The following ASTN2 variants were observed in gnomAD, a reference collection of about 807,000 sequenced individuals.
ASTN2 encodes astrotactin-2.
Under a neutral mutation model 139.8 loss-of-function variants are expected in ASTN2, and 54 were observed. The ratio of observed to expected loss-of-function variants is 0.39; its 90% CI spans 0.31 to 0.48. The LOEUF (loss-of-function observed/expected upper bound fraction) is 0.48, where lower values mean the gene tolerates loss of function less well. Ranked by LOEUF, ASTN2 falls within the 20% of genes least tolerant of loss-of-function variation. The probability of loss-of-function intolerance (pLI) is 0.95; values close to 1 mark genes in which losing one functional copy is unlikely to be tolerated. For missense variants in ASTN2, 1,565 were observed against 1,725.1 expected (o/e 0.91, Z 1.64); for synonymous variants, 756 against 719.5 (o/e 1.05, Z -0.81).
chr9:117,125,842 T>G (rs1420733615), intron 4 of ASTN2, among the ~76,000 whole-genome samples: 3 of 151,540 alleles, frequency 2.0e-5, no homozygotes, highest in Admixed American at 1.3e-4. Flanking sequence ...GGGGGGGAAT[T>G]GGATTGCAAA....
chr9:116,796,287 A>T (rs553441624), intron 13 of ASTN2, among the ~76,000 whole-genome samples: 1 of 152,274 alleles, frequency 6.6e-6, no homozygotes, highest in East Asian at 1.9e-4. Context: ...TCTTAAATAC[A>T]AAGTCATTGT....
intron 2 of ASTN2, among the ~76,000 whole-genome samples, chr9:117,241,887 C>G (rs1833217934): frequency 6.6e-6 from 1 of 151,620 alleles, no homozygotes; most frequent in African/African-American, 2.4e-5. Flanking sequence ...CCAATTGTCA[C>G]CATCCAAAAA....
At chr9:116,556,608 A>G (rs1049744302) in intron 19 of ASTN2, among the ~76,000 whole-genome samples, 3 of 152,144 alleles carry the variant, frequency 2.0e-5, no homozygotes, top group African/African-American at 4.8e-5. Context: ...CTGCTGAAAT[A>G]GAGAGAGAGA....
At chr9:116,968,898 CAAAAAA>C (rs34706777) in intron 10 of ASTN2, among the ~76,000 whole-genome samples, 2 of 93,622 alleles carry the variant, frequency 2.1e-5, no homozygotes, top group Admixed American at 1.1e-4. Context: ...GACTCTGTCT[CAAAAAA>C]AAAAAAAAAA....
In ASTN2 at chr9:116,651,559, T is replaced by C. The variant is rs1199044897; in HGVS notation, c.3041A>G (p.Tyr1014Cys). The change falls in exon 17 of 23, where the codon TAT becomes TGT. Residue 1014 changes from tyrosine to cysteine, a missense_variant. Coordinates refer to ENST00000313400, the MANE Select transcript of ASTN2 (RefSeq NM_001365068.1). Reference sequence around the variant, plus strand: ...TGTGCCATTGTCTTGGATGAGGGTATAAAGTGGCACCACACGGTTGATTTC... The same window carrying C: ...TGTGCCATTGTCTTGGATGAGGGTACAAAGTGGCACCACACGGTTGATTTC... ...LLEINRVVPL[Y>C]TLIQDNGTKE... 1.2e-6 allele frequency: 2 copies of C among 1,614,020 alleles called. No homozygotes were observed. The highest frequency in any genetic ancestry group is 1.7e-6 in the Non-Finnish European group (2 of 1,180,030).
intron 2 of ASTN2, among the ~76,000 whole-genome samples, chr9:117,229,476 C>T (rs1402233131): frequency 6.6e-6 from 1 of 152,192 alleles, no homozygotes; most frequent in African/African-American, 2.4e-5. Flanking sequence ...AATACAGGAA[C>T]TCAAAGCTCC....
chr9:116,433,306 T>G (rs1847553399), intron 22 of ASTN2, among the ~76,000 whole-genome samples: 1 of 152,196 alleles, frequency 6.6e-6, no homozygotes, highest in Admixed American at 6.5e-5. Flanking sequence ...AGCATATTGT[T>G]AAACAGAAAC....
Position 116,424,953 on chromosome 9 carries a change from T to C in ASTN2, c.*898A>G, listed in dbSNP as rs1003884812. Among the ~76,000 whole-genome samples, 8 of 152,134 alleles carry C rather than the reference T, an allele frequency of 5.3e-5. No homozygotes were observed. Among genetic ancestry groups the C allele is most frequent in the Admixed American group, 4.6e-4 (7 of 15,270 alleles). On this transcript the variant is annotated 3_prime_UTR_variant, in exon 23 of 23. Coordinates refer to ENST00000313400, the MANE Select transcript of ASTN2 (RefSeq NM_001365068.1). Reference sequence around the variant, plus strand: ...TCTACTCATCCTTTGGGTTTAGGTATCACTTTTTCAAGGAAGCATTTCAGG... The same window carrying C: ...TCTACTCATCCTTTGGGTTTAGGTACCACTTTTTCAAGGAAGCATTTCAGG...
chr9:116,697,923 T>A, intron 16 of ASTN2: 1 of 1,614,216 alleles, frequency 6.2e-7, no homozygotes, highest in Non-Finnish European at 8.5e-7. Flanking sequence ...TGGTGTCCGC[T>A]GTCCCTTTTG....
intron 7 of ASTN2, among the ~76,000 whole-genome samples, chr9:116,979,728 G>A (rs1836456072): frequency 1.3e-5 from 2 of 152,146 alleles, no homozygotes; most frequent in South Asian, 2.1e-4. Flanking sequence ...GGAGCAGGAA[G>A]TCAGGCTGGG....
intron 13 of ASTN2, among the ~76,000 whole-genome samples, chr9:116,778,036 G>A (rs552226024): frequency 1.9e-4 from 29 of 151,948 alleles, no homozygotes; most frequent in Middle Eastern, 3.4e-3. Flanking sequence ...TAGTAGAGAC[G>A]GGGTTTCACC....
At chr9:117,085,436 G>A (rs1373259746) in intron 5 of ASTN2, among the ~76,000 whole-genome samples, 2 of 152,136 alleles carry the variant, frequency 1.3e-5, no homozygotes, top group Non-Finnish European at 2.9e-5. Context: ...CTCCCAATGT[G>A]GCATCACTCA....
At chr9:117,372,493 G>T (rs1285166640) in intron 1 of ASTN2, among the ~76,000 whole-genome samples, 1 of 152,114 alleles carries the variant, frequency 6.6e-6, no homozygotes, top group Non-Finnish European at 1.5e-5. Context: ...TGCTAATGCT[G>T]CTGCCTATTA....
intron 7 of ASTN2, among the ~76,000 whole-genome samples, chr9:117,003,018 G>GA (rs143869779): frequency 0.064 from 9,703 of 152,196 alleles, 451 homozygotes; most frequent in Non-Finnish European, 0.087. Flanking sequence ...CCATTAAAAG[G>GA]AAAAAGACAT....
intron 17 of ASTN2, among the ~76,000 whole-genome samples, chr9:116,625,455 C>A (rs1856399739): frequency 6.6e-6 from 1 of 152,110 alleles, no homozygotes; most frequent in Admixed American, 6.5e-5. Flanking sequence ...AAACCCTCCC[C>A]ACTCTGGCCC....
chr9:117,169,376 GAAAAGAA>G (rs982761726), intron 3 of ASTN2, among the ~76,000 whole-genome samples: 7 of 152,032 alleles, frequency 4.6e-5, no homozygotes, highest in South Asian at 2.1e-4. Flanking sequence ...GTGTGAATCC[GAAAAGAA>G]AAAAGAAAGG....
rs370825811 is a variant in ASTN2, at chr9:116,933,963, G to GTGCGAAGT, written c.1889+41237_1889+41244dup. On this transcript the variant is annotated intron_variant, in intron 10 of 22. Transcript: ENST00000313400. ...TGGTGGGGCCCTGGAGACCTCAGTT[G>GTGCGAAGT]TGCGAAGTGTTAGTCCTTTTTTTTT... Among the ~76,000 whole-genome samples, 177 of 85,522 alleles carry GTGCGAAGT rather than the reference G, an allele frequency of 2.1e-3. 2 individuals carry two copies. The highest frequency in any genetic ancestry group is 6.8e-3 in the African/African-American group (163 of 23,928). 56.1% of individuals were successfully genotyped at this position (85,522 alleles called of 152,430 possible).
intron 5 of ASTN2, among the ~76,000 whole-genome samples, chr9:117,042,932 G>T (rs958460502): frequency 6.6e-6 from 1 of 152,020 alleles, no homozygotes; most frequent in East Asian, 1.9e-4. Context: ...GTGTGGTGGC[G>T]CAATCTCAGC....
In ASTN2 at chr9:117,094,576, A is replaced by G. The variant is rs1367167705; in HGVS notation, c.1276+1468T>C. On this transcript the variant is annotated intron_variant, in intron 5 of 22. Transcript: ENST00000313400. ...GGATTGCTTCTCAGTTTTCTGGCTA[A>G]GATCAAGTGGAGAAAGCTGAGGAGC... Among the ~76,000 whole-genome samples the G allele has an allele frequency of 2.0e-5, 3 of 152,234 alleles. No homozygotes were observed. The East Asian group carries it at 5.8e-4, about 30-fold the overall frequency.
Sources: gnomAD v4.1 joint callset for allele counts (sites outside exome capture counted in the v4.1 genomes callset) on GRCh38, gnomAD v4.1.1 for gene constraint, MANE v1.5 for transcripts, NCBI Gene and HGNC (gene_info 2026-07-23, HGNC 2026-07-21) for gene names.